CPSF3: variants seen among roughly 807,000 people sequenced by gnomAD.
CPSF3 encodes the protein cleavage and polyadenylation specific factor 3.
CPSF3 carries 57 observed loss-of-function variants against 84.1 expected under a neutral mutation model. That is an observed-to-expected ratio of 0.68 (90% CI 0.55 to 0.85). The LOEUF (loss-of-function observed/expected upper bound fraction) is 0.85, where lower values mean the gene tolerates loss of function less well. Ranked by LOEUF, CPSF3 falls within the 40% of genes least tolerant of loss-of-function variation. The pLI is 0.00. For synonymous variants in CPSF3, 275 were observed against 278.1 expected, an observed-to-expected ratio of 0.99 and a Z score of 0.11; for missense variants, 522 against 838.8, an observed-to-expected ratio of 0.62 and a Z score of 4.66.
intron 10 of CPSF3, among the ~76,000 whole-genome samples, chr2:9,447,139 T>C (rs1434926816): frequency 6.6e-6 from 1 of 152,180 alleles, no homozygotes; most frequent in African/African-American, 2.4e-5. Flanking sequence ...AGACTCTCTT[T>C]AAATAAAGAA....
chr2:9,457,043 TTACC>T lies in CPSF3; in HGVS notation c.1698+19_1698+22del. On this transcript the variant is annotated intron_variant, in intron 14 of 17. Transcript: ENST00000238112. ...GGTATTAGAAGTAAGAAAAGATCAT[TTACC>T]TAAACAATGAGGGGAAAAAAGTTTT... The T allele has an allele frequency of 6.9e-7, 1 of 1,445,204 alleles. No homozygotes were observed. The highest frequency in any genetic ancestry group is 9.5e-7 in the Non-Finnish European group (1 of 1,047,510). 89.5% of individuals were successfully genotyped at this position (1,445,204 alleles called of 1,614,324 possible). A position where few individuals can be genotyped will look rare whatever the true frequency, so the allele number is the denominator to read the frequency against.
At position 9,459,638 on chromosome 2, in the gene CPSF3, C is replaced by CTTTTTTT. The variant is rs543727439; in HGVS notation, c.1786+42_1786+48dup. 244 of 310,488 alleles carry CTTTTTTT rather than the reference C, an allele frequency of 7.9e-4. 22 individuals are homozygous for CTTTTTTT. The African/African-American group carries it at 9.8e-3, about 12-fold the overall frequency. 19.2% of individuals were successfully genotyped at this position (310,488 alleles called of 1,614,324 possible). A position where few individuals can be genotyped will look rare whatever the true frequency, so the allele number is the denominator to read the frequency against. ...GAAAAGGTAAGAGTTCATTTTTATCCTTTTTTTTTTTTTTTTTTTTTTTTT... is the reference window on the plus strand; with the variant it reads ...GAAAAGGTAAGAGTTCATTTTTATCCTTTTTTTTTTTTTTTTTTTTTTTTTTTTTTTT... On this transcript the variant is annotated intron_variant, in intron 15 of 17. Coordinates refer to ENST00000238112, the MANE Select transcript of CPSF3 (RefSeq NM_016207.4).
At chr2:9,458,879 G>A (rs781203156) in intron 14 of CPSF3, among the ~76,000 whole-genome samples, 3 of 152,018 alleles carry the variant, frequency 2.0e-5, no homozygotes, top group Non-Finnish European at 2.9e-5. Flanking sequence ...TTGGGAGGCC[G>A]AGGTGGGCGG....
chr2:9,460,904 G>A (rs193256761), intron 15 of CPSF3, among the ~76,000 whole-genome samples: 2 of 152,228 alleles, frequency 1.3e-5, no homozygotes. Context: ...ATTCTGGGAA[G>A]CCTCAGCCTT....
At chr2:9,451,032 A>G (rs1681312406) in intron 11 of CPSF3, among the ~76,000 whole-genome samples, 1 of 152,044 alleles carries the variant, frequency 6.6e-6, no homozygotes, top group Non-Finnish European at 1.5e-5. Context: ...AGAATCTAGA[A>G]CTGTATTTCA....
intron 15 of CPSF3, among the ~76,000 whole-genome samples, chr2:9,466,469 T>A (rs1681987686): frequency 6.6e-6 from 1 of 152,088 alleles, no homozygotes; most frequent in Non-Finnish European, 1.5e-5. Flanking sequence ...TGGTGATGCA[T>A]GCATGTAGTC....
At chr2:9,467,424 T>C (rs769427980) in intron 15 of CPSF3, among the ~76,000 whole-genome samples, 1 of 152,142 alleles carries the variant, frequency 6.6e-6, no homozygotes, top group Non-Finnish European at 1.5e-5. Context: ...TAATATTAAG[T>C]GTCATTTTGT....
chr2:9,453,990 C>T (rs1409666643), intron 12 of CPSF3, among the ~76,000 whole-genome samples: 1 of 152,150 alleles, frequency 6.6e-6, no homozygotes, highest in Non-Finnish European at 1.5e-5. Context: ...CATTCTTTGT[C>T]TTTATAAATT....
At chr2:9,454,312 G>T (rs555825441) in intron 12 of CPSF3, among the ~76,000 whole-genome samples, 29 of 152,054 alleles carry the variant, frequency 1.9e-4, no homozygotes, top group Non-Finnish European at 4.0e-4. Context: ...GGAGGCTGTG[G>T]CAAGAGAGTT....
Position 9,467,762 on chromosome 2 carries a change from G to T in CPSF3, c.1842G>T (p.Leu614Phe), listed in dbSNP as rs369846483. 3.8e-6 allele frequency: 6 copies of T among 1,581,328 alleles called. No individual in the cohort carries two copies. Among genetic ancestry groups the T allele is most frequent in the Non-Finnish European group, 5.2e-6 (6 of 1,159,730 alleles). The change falls in exon 16 of 18, where the codon TTG becomes TTT. Residue 614 changes from leucine to phenylalanine, a missense_variant. By Grantham distance (22) the Leu-to-Phe change is conservative (BLOSUM62 0). Around this residue, in one of 2 missense-constraint regions of CPSF3, gnomAD observed 193 missense variants for 231.6 expected, o/e 0.83. Coordinates refer to ENST00000238112, the MANE Select transcript of CPSF3 (RefSeq NM_016207.4). ...KLEMHVYSKR[L>F]EIMLQDIFGE... is the part of the protein sequence containing the mutation. ...AAATGCACGTTTACAGCAAGAGGTT[G>T]GAGATCATGCTCCAGTAAGTTTTTC... is the stretch of plus-strand genomic sequence containing the variant.
intron 12 of CPSF3, 85 bp downstream of exon 12, chr2:9,453,106 AAT>A: frequency 1.3e-6 from 1 of 773,946 alleles, no homozygotes; most frequent in Non-Finnish European, 2.0e-6. Flanking sequence ...CTTGTGGCCT[AAT>A]GTTATGTAAT....
At chr2:9,451,280 C>T (rs1193651540) in intron 11 of CPSF3, among the ~76,000 whole-genome samples, 1 of 152,076 alleles carries the variant, frequency 6.6e-6, no homozygotes, top group African/African-American at 2.4e-5. Context: ...AAGCTACCTA[C>T]AATTAAGGAG....
At position 9,459,638 on chromosome 2, in the gene CPSF3, C is replaced by CTTTTTTTTTTTTTTTTTTTTTTTTTT. The variant is rs543727439; in HGVS notation, c.1786+23_1786+48dup. On this transcript the variant is annotated intron_variant, in intron 15 of 17. Transcript: ENST00000238112. ...GAAAAGGTAAGAGTTCATTTTTATC[C>CTTTTTTTTTTTTTTTTTTTTTTTTTT]TTTTTTTTTTTTTTTTTTTTTTTTT... 3.6e-6 allele frequency: 1 copy of CTTTTTTTTTTTTTTTTTTTTTTTTTT among 278,996 alleles called. No individual in the cohort carries two copies. Among genetic ancestry groups the CTTTTTTTTTTTTTTTTTTTTTTTTTT allele is most frequent in the African/African-American group, 4.4e-5 (1 of 22,846 alleles). 17.3% of individuals were successfully genotyped at this position (278,996 alleles called of 1,614,324 possible). A position where few individuals can be genotyped will look rare whatever the true frequency, so the allele number is the denominator to read the frequency against.
At chr2:9,468,590 CCTTT>C (rs1335321784) in intron 16 of CPSF3, among the ~76,000 whole-genome samples, 1 of 148,670 alleles carries the variant, frequency 6.7e-6, no homozygotes, top group Non-Finnish European at 1.5e-5. Flanking sequence ...TCTGTTCCTT[CCTTT>C]CTTTCCCCAA....
At chr2:9,444,820 C>T (rs1681076345) in intron 10 of CPSF3, among the ~76,000 whole-genome samples, 2 of 152,062 alleles carry the variant, frequency 1.3e-5, no homozygotes, top group African/African-American at 2.4e-5. Flanking sequence ...CACGTGCCAC[C>T]ACGCCCAGCT....
chr2:9,444,697 C>T (rs565453835), intron 10 of CPSF3, among the ~76,000 whole-genome samples: 1 of 151,986 alleles, frequency 6.6e-6, no homozygotes, highest in East Asian at 1.9e-4. Context: ...TGAAGTCTTG[C>T]TCTGTTGCCT....
At chr2:9,428,504 C>G (rs1215198855) in intron 1 of CPSF3, among the ~76,000 whole-genome samples, 1 of 152,202 alleles carries the variant, frequency 6.6e-6, no homozygotes, top group African/African-American at 2.4e-5. Context: ...CTTTGGGCTT[C>G]TTGGATCTGT....
intron 1 of CPSF3, among the ~76,000 whole-genome samples, chr2:9,428,363 T>C (rs538147980): frequency 2.8e-4 from 43 of 152,340 alleles, no homozygotes; most frequent in Admixed American, 9.8e-4. Flanking sequence ...GTTGAAATGC[T>C]TATGGCTTTC....
intron 10 of CPSF3, among the ~76,000 whole-genome samples, chr2:9,446,573 T>C: frequency 8.2e-6 from 1 of 122,284 alleles, no homozygotes. Flanking sequence ...GGAGCGAGAC[T>C]CGGTCTCAAA....
Sources: gnomAD v4.1 joint callset for allele counts (sites outside exome capture counted in the v4.1 genomes callset) on GRCh38, gnomAD v4.1.1 for gene constraint, gnomAD v4.1.1 regional missense constraint, MANE v1.5 for transcripts, NCBI Gene and HGNC (gene_info 2026-07-23, HGNC 2026-07-21) for gene names.